Variants in PCDHA10 observed in about 807,000 individuals in gnomAD.
PCDHA10 encodes the protein protocadherin alpha-10.
In PCDHA10, 45 loss-of-function variants were observed where a neutral mutation model predicts 61.2. The observed-to-expected ratio is 0.74, with a 90% CI of 0.58 to 0.94. The LOEUF (loss-of-function observed/expected upper bound fraction) is 0.94. Ranked by LOEUF, PCDHA10 falls within the 40% of genes least tolerant of loss-of-function variation. The pLI is 0.00. For missense variants in PCDHA10, 1,278 were observed against 1,236.2 expected (o/e 1.03, Z -0.51); for synonymous variants, 602 against 548.8 (o/e 1.10, Z -1.35).
intron 1 of PCDHA10, among the ~76,000 whole-genome samples, chr5:140,886,671 C>A (rs1411583056): frequency 6.6e-6 from 1 of 151,634 alleles, no homozygotes; most frequent in East Asian, 1.9e-4. Context: ...ACTAAAAATA[C>A]AAAAATTAGC....
intron 3 of PCDHA10, among the ~76,000 whole-genome samples, chr5:141,005,619 G>A (rs996010701): frequency 6.8e-5 from 10 of 146,082 alleles, no homozygotes; most frequent in South Asian, 2.2e-4. Flanking sequence ...GGAGAATGGC[G>A]TGAACCCGGG....
chr5:140,903,163 G>T (rs2070058285), intron 1 of PCDHA10, among the ~76,000 whole-genome samples: 1 of 152,096 alleles, frequency 6.6e-6, no homozygotes, highest in Non-Finnish European at 1.5e-5. Flanking sequence ...GGTTGTGCTG[G>T]TTTACATTCC....
chr5:140,898,462 C>T (rs1398136688), intron 1 of PCDHA10, among the ~76,000 whole-genome samples: 7 of 150,224 alleles, frequency 4.7e-5, no homozygotes, highest in African/African-American at 1.5e-4. Flanking sequence ...TTCCCCATTG[C>T]TTGTTTTTCT....
At chr5:140,973,782 C>CT (rs1461331270) in intron 1 of PCDHA10, among the ~76,000 whole-genome samples, 7 of 152,208 alleles carry the variant, frequency 4.6e-5, no homozygotes, top group African/African-American at 1.7e-4. Flanking sequence ...TATAGGTTGC[C>CT]TATTGGCATG....
chr5:140,876,398 A>C (rs782094508), intron 1 of PCDHA10: 1 of 1,613,962 alleles, frequency 6.2e-7, no homozygotes, highest in South Asian at 1.1e-5. Flanking sequence ...GGTGAACTGG[A>C]TTTTGAAGAG....
At chr5:140,951,426 A>T (rs1282737926) in intron 1 of PCDHA10, among the ~76,000 whole-genome samples, 1 of 152,068 alleles carries the variant, frequency 6.6e-6, no homozygotes, top group Non-Finnish European at 1.5e-5. Flanking sequence ...ACAGTTCCAC[A>T]GGCTGTAGGA....
intron 1 of PCDHA10, among the ~76,000 whole-genome samples, chr5:140,973,377 G>T (rs1176312664): frequency 1.3e-5 from 2 of 152,208 alleles, no homozygotes; most frequent in Non-Finnish European, 2.9e-5. Context: ...ACAATGGTCA[G>T]AATAGACAAA....
chr5:140,922,093 C>T (rs1037802949), intron 1 of PCDHA10, among the ~76,000 whole-genome samples: 6 of 151,986 alleles, frequency 3.9e-5, no homozygotes, highest in Middle Eastern at 3.4e-3. Flanking sequence ...GTATTTCTAC[C>T]AACTATAGAT....
Position 140,927,144 on chromosome 5 carries a change from A to T in PCDHA10, c.2389-51805A>T, listed in dbSNP as rs116743674. 1.1e-5 allele frequency: 18 copies of T among 1,614,102 alleles called. No individual in the cohort carries two copies. The South Asian group carries it at 1.9e-4, about 17-fold the overall frequency. On this transcript the variant is annotated intron_variant, in intron 1 of 3. Transcript: ENST00000307360. Reference sequence around the variant, plus strand: ...TGGTCAGAGAGCCGGCGGACCGCGAACAGCTGTGCAGGGCCAAAGCTGCCT... The same window carrying T: ...TGGTCAGAGAGCCGGCGGACCGCGATCAGCTGTGCAGGGCCAAAGCTGCCT...
chr5:140,926,125 A>G (rs1584421625), intron 1 of PCDHA10, among the ~76,000 whole-genome samples: 2 of 152,180 alleles, frequency 1.3e-5, no homozygotes, highest in Admixed American at 6.5e-5. Flanking sequence ...ACAGACTTCA[A>G]CCCGCAGCAG....
Position 140,929,131 on chromosome 5 carries a change from G to A in PCDHA10, c.2389-49818G>A, listed in dbSNP as rs782040825. ...ATCAGCCACCATAGATGTCACTACA[G>A]TTGAGAGACTTTCTCAGACTTATCT... On this transcript the variant is annotated intron_variant, in intron 1 of 3. Coordinates refer to ENST00000307360, the MANE Select transcript of PCDHA10 (RefSeq NM_018901.4). 5.0e-6 allele frequency: 8 copies of A among 1,614,036 alleles called. No homozygotes were observed. The East Asian group carries it at 6.7e-5, about 13-fold the overall frequency.
chr5:140,968,526 C>G, intron 1 of PCDHA10: 3 of 1,614,200 alleles, frequency 1.9e-6, no homozygotes, highest in Middle Eastern at 1.6e-4. Context: ...TCAACCAACT[C>G]GTCAGCAGCC....
intron 1 of PCDHA10, among the ~76,000 whole-genome samples, chr5:140,974,321 T>C (rs2096622495): frequency 6.6e-6 from 1 of 152,226 alleles, no homozygotes; most frequent in Non-Finnish European, 1.5e-5. Context: ...AGAGAGTAGC[T>C]GCTGTGCTAG....
intron 1 of PCDHA10, chr5:140,863,226 C>CCGA: frequency 1.7e-6 from 2 of 1,160,306 alleles, no homozygotes; most frequent in Non-Finnish European, 2.5e-6. Context: ...CGAGGAAGGT[C>CCGA]CCATCGCGGG....
chr5:140,943,333 T>C (rs1337058167), intron 1 of PCDHA10, among the ~76,000 whole-genome samples: 1 of 150,974 alleles, frequency 6.6e-6, no homozygotes, highest in East Asian at 1.9e-4. Flanking sequence ...GTAGTATCCA[T>C]TGGACAGGAT....
At chr5:140,965,442 G>A (rs782186943) in intron 1 of PCDHA10, among the ~76,000 whole-genome samples, 3 of 151,978 alleles carry the variant, frequency 2.0e-5, no homozygotes, top group Non-Finnish European at 4.4e-5. Flanking sequence ...CATTGAAATT[G>A]CTGGTTATTG....
chr5:140,925,125 A>G (rs1399052853), intron 1 of PCDHA10, among the ~76,000 whole-genome samples: 2 of 150,878 alleles, frequency 1.3e-5, no homozygotes, highest in African/African-American at 2.4e-5. Flanking sequence ...AAGGAAGGAA[A>G]AAAAATTTCA....
chr5:140,869,302 G>T lies in PCDHA10; in HGVS notation c.2388+10866G>T. ...GCTGGTGCAGCGCCTGTTCCGGGTGGCGTCCAAAACACATGGGGACCTTCT... is the reference window on the plus strand; with the variant it reads ...GCTGGTGCAGCGCCTGTTCCGGGTGTCGTCCAAAACACATGGGGACCTTCT... On this transcript the variant is annotated intron_variant, in intron 1 of 3. Coordinates refer to ENST00000307360, the MANE Select transcript of PCDHA10 (RefSeq NM_018901.4). The T allele has an allele frequency of 6.2e-7, 1 of 1,613,642 alleles. No homozygotes were observed. Among genetic ancestry groups the T allele is most frequent in the Non-Finnish European group, 8.5e-7 (1 of 1,179,984 alleles).
chr5:140,877,493 A>C, intron 1 of PCDHA10: 1 of 1,613,856 alleles, frequency 6.2e-7, no homozygotes, highest in African/African-American at 1.3e-5. Flanking sequence ...GAGAACGGCC[A>C]GGCCCCAAAG....
Sources: allele counts gnomAD v4.1 joint callset (sites outside exome capture counted in the v4.1 genomes callset), GRCh38; gene constraint gnomAD v4.1.1; transcripts MANE v1.5; gene names NCBI Gene and HGNC (gene_info 2026-07-23, HGNC 2026-07-21).